ZNF189: variants seen among roughly 807,000 people sequenced by gnomAD.
ZNF189 encodes zinc finger protein 189.
Under a neutral mutation model 53.5 loss-of-function variants are expected in ZNF189, and 33 were observed. The ratio of observed to expected loss-of-function variants is 0.62; its 90% CI spans 0.47 to 0.82. The LOEUF (loss-of-function observed/expected upper bound fraction) is 0.82, where lower values mean the gene tolerates loss of function less well. ZNF189 is among the 40% of genes least tolerant of loss of function. The pLI, the probability that ZNF189 is intolerant of heterozygous loss-of-function variation, is 0.00. For missense variants in ZNF189, 711 were observed against 753.9 expected (o/e 0.94, Z 0.67); for synonymous variants, 247 against 238.8 (o/e 1.03, Z -0.32).
chr9:101,403,164 A>G (rs1830593935), intron 2 of ZNF189, among the ~76,000 whole-genome samples: 1 of 151,506 alleles, frequency 6.6e-6, no homozygotes, highest in Non-Finnish European at 1.5e-5. Context: ...CTGCCAGCTT[A>G]TCCATACATA....
In ZNF189 at chr9:101,400,001, G is replaced by T. The variant is rs765850362; in HGVS notation, c.151G>T (p.Val51Phe). 1 of 1,613,990 alleles carries T rather than the reference G, an allele frequency of 6.2e-7. No individual in the cohort carries two copies. The highest frequency in any genetic ancestry group is 8.5e-7 in the Non-Finnish European group (1 of 1,179,962). Reference protein sequence around the residue: ...DVMMENYGNLVSLDVLNRDKD... With the variant: ...DVMMENYGNLFSLDVLNRDKD... ...CATGATGGAGAATTATGGAAACCTG[G>T]TCTCACTGGGTAAGAATCTGCTGTT... Residue 51 changes from valine (V) to phenylalanine (F), a missense_variant, in exon 2 of 3, where the codon GTC (valine) becomes TTC (phenylalanine). Val to Phe is a conservative substitution (Grantham distance 50). Coordinates refer to ENST00000339664, the MANE Select transcript of ZNF189 (RefSeq NM_003452.4).
At position 101,409,446 on chromosome 9, in the gene ZNF189, A is replaced by G; in HGVS notation, c.1678A>G (p.Arg560Gly). The G allele has an allele frequency of 6.2e-7, 1 of 1,614,196 alleles. No homozygotes were observed. Among genetic ancestry groups the G allele is most frequent in the Non-Finnish European group, 8.5e-7 (1 of 1,180,024 alleles). The change falls in exon 3 of 3, where the codon AGA (arginine) becomes GGA (glycine). Residue 560 changes from arginine (R) to glycine (G), a missense_variant. Coordinates refer to ENST00000339664, the MANE Select transcript of ZNF189 (RefSeq NM_003452.4). ...GAACTCGGGTCTTATTCAGCATCAG[A>G]GAATACACACAGGAGAGAAACCTTA... is the stretch of plus-strand genomic sequence containing the variant. Reference protein sequence around the residue: ...SRNSGLIQHQRIHTGEKPYKC... With the variant: ...SRNSGLIQHQGIHTGEKPYKC...
chr9:101,409,561 C>T lies in ZNF189; in HGVS notation c.1793C>T (p.Thr598Ile). The T allele has an allele frequency of 6.2e-7, 1 of 1,614,056 alleles. No homozygotes were observed. The highest frequency in any genetic ancestry group is 8.5e-7 in the Non-Finnish European group (1 of 1,180,002). ...CATGCAGAGGTGAAAACCCAAGAAA[C>T]CCATGAATGTGACGCTTGTGGTGAA... ...KIHAEVKTQE[T>I]HECDACGEAF... is the part of the protein sequence containing the mutation. The change falls in exon 3 of 3, where the codon ACC becomes ATC. Residue 598 changes from threonine (T) to isoleucine (I), a missense_variant. Physicochemically the swap from Thr to Ile is moderately conservative, Grantham distance 89. Coordinates refer to ENST00000339664, the MANE Select transcript of ZNF189 (RefSeq NM_003452.4).
In ZNF189 at chr9:101,398,876, G is replaced by A. The variant is rs1029019072; in HGVS notation, c.-281G>A. 6 of 593,776 alleles carry A rather than the reference G, an allele frequency of 1.0e-5. No homozygotes were observed. The highest frequency in any genetic ancestry group is 2.0e-5 in the South Asian group (1 of 50,546). The allele number at this position is 593,776 out of a possible 1,614,324, so 36.8% of individuals were successfully genotyped here. ...GGTCATAGCGTTACTTGGCTGCAAG[G>A]AGGAGGAACTGGCAGCGGGGAGGAG... On this transcript the variant is annotated 5_prime_UTR_variant, in exon 1 of 3. Transcript: ENST00000339664.
intron 2 of ZNF189, among the ~76,000 whole-genome samples, chr9:101,400,552 CT>C (rs1478491687): frequency 6.6e-6 from 1 of 152,216 alleles, no homozygotes; most frequent in Non-Finnish European, 1.5e-5. Context: ...TCTTTGAGGT[CT>C]CAGCAGTCTT....
At chr9:101,400,779 T>C (rs1303423141) in intron 2 of ZNF189, among the ~76,000 whole-genome samples, 2 of 152,212 alleles carry the variant, frequency 1.3e-5, no homozygotes, top group Non-Finnish European at 2.9e-5. Context: ...AGGCAAATCG[T>C]AAATCCCAAT....
chr9:101,400,123 A>T, intron 2 of ZNF189, 113 bp downstream of exon 2: 2 of 1,381,016 alleles, frequency 1.4e-6, no homozygotes, highest in Non-Finnish European at 2.0e-6. Flanking sequence ...CAAAGTTCTG[A>T]TTCAAACCTT....
At chr9:101,402,563 A>G (rs1408428831) in intron 2 of ZNF189, among the ~76,000 whole-genome samples, 1 of 152,204 alleles carries the variant, frequency 6.6e-6, no homozygotes, top group African/African-American at 2.4e-5. Flanking sequence ...AATCCATTAA[A>G]ATCAAGGGCC....
Position 101,408,885 on chromosome 9 carries a change from C to T in ZNF189, c.1117C>T (p.Gln373Ter). 1 of 1,614,102 alleles carries T rather than the reference C, an allele frequency of 6.2e-7. No homozygotes were observed. Among genetic ancestry groups the T allele is most frequent in the Non-Finnish European group, 8.5e-7 (1 of 1,180,020 alleles). The change falls in exon 3 of 3, where the codon CAG becomes TAG. Residue 373 changes from glutamine to a stop codon, truncating the protein, a stop_gained. Transcript: ENST00000339664. LOFTEE classifies it high-confidence loss of function. ...GATCCATACTGGTGAAAGACCTTATCAGTGCAAAGAGTGTGGGAAAAGTTT... is the reference window on the plus strand; with the variant it reads ...GATCCATACTGGTGAAAGACCTTATTAGTGCAAAGAGTGTGGGAAAAGTTT... ...QRIHTGERPY[Q>*]CKECGKSFSQ...
At chr9:101,400,251 T>C (rs1049562112) in intron 2 of ZNF189, among the ~76,000 whole-genome samples, 1 of 152,186 alleles carries the variant, frequency 6.6e-6, no homozygotes, top group African/African-American at 2.4e-5. Context: ...GTACTTTCCG[T>C]CCTGGCTCAT....
intron 2 of ZNF189, chr9:101,407,378 T>TTTTTTA (rs1355434499): frequency 2.3e-5 from 9 of 398,130 alleles, no homozygotes; most frequent in African/African-American, 1.6e-4. Context: ...CTTAGCATCT[T>TTTTTTA]TTTTTATTTT....
chr9:101,408,555 A>G lies in ZNF189; in HGVS notation c.787A>G (p.Ser263Gly), dbSNP rs769935094. 6 of 1,614,182 alleles carry G rather than the reference A, an allele frequency of 3.7e-6. No individual in the cohort carries two copies. Among genetic ancestry groups the G allele is most frequent in the Non-Finnish European group, 8.5e-7 (1 of 1,180,024 alleles). Residue 263 changes from serine to glycine, a missense_variant, in exon 3 of 3, where the codon AGT becomes GGT. By Grantham distance (56) the Ser-to-Gly change is moderately conservative (BLOSUM62 0). Transcript: ENST00000339664. The stretch of plus-strand genomic sequence containing the variant: ...TACAGGTGAGAAACCCCATAAATGT[A>G]GTGACTGTGGGAAAGCCTTCAGTTG... ...IHTGEKPHKC[S>G]DCGKAFSWKS...
rs1388740697 is a variant in ZNF189 at position 101,407,923 on chromosome 9, T to C, written c.161-6T>C. ...TGATCTTTGTATTTCCTTTTTATTA[T>C]TCCAGATGTTTTGAACAGAGATAAG... On this transcript the variant is annotated splice_polypyrimidine_tract_variant and splice_region_variant and intron_variant, in intron 2 of 2. Coordinates refer to ENST00000339664, the MANE Select transcript of ZNF189 (RefSeq NM_003452.4). 1.3e-6 allele frequency: 2 copies of C among 1,525,476 alleles called. No individual in the cohort carries two copies. Among genetic ancestry groups the C allele is most frequent in the African/African-American group, 2.8e-5 (2 of 71,396 alleles). 94.5% of individuals were successfully genotyped at this position (1,525,476 alleles called of 1,614,324 possible).
chr9:101,404,571 A>G (rs2777342), intron 2 of ZNF189, among the ~76,000 whole-genome samples: 82,616 of 151,950 alleles, frequency 0.54, 22,597 homozygotes, highest in South Asian at 0.68. Context: ...ATTGTGAAGC[A>G]TTTATATCAT....
At chr9:101,403,816 A>G (rs1929490) in intron 2 of ZNF189, among the ~76,000 whole-genome samples, 13,094 of 152,222 alleles carry the variant, frequency 0.086, 853 homozygotes, top group Non-Finnish European at 0.13. Context: ...CCCGCCTCCA[A>G]ATATCATCAC....
Position 101,406,984 on chromosome 9 carries a change from A to G in ZNF189, c.161-945A>G, listed in dbSNP as rs13288554. On this transcript the variant is annotated intron_variant, in intron 2 of 2. Transcript: ENST00000339664. ...TAGAATCACATGTACTTGAGGTATG[A>G]TTTGTGGTAGGTAAAGTCATAAGCT... 6.3e-3 allele frequency among the ~76,000 whole-genome samples: 953 copies of G among 152,320 alleles called. 10 individuals are homozygous for G. Among genetic ancestry groups the G allele is most frequent in the Non-Finnish European group, 8.8e-3 (602 of 68,030 alleles).
Position 101,410,366 on chromosome 9 carries a change from C to T in ZNF189, c.*717C>T, listed in dbSNP as rs1564073803. 3 of 152,498 alleles carry T rather than the reference C, an allele frequency of 2.0e-5. No homozygotes were observed. Among genetic ancestry groups the T allele is most frequent in the Non-Finnish European group, 4.4e-5 (3 of 68,026 alleles). The allele number at this position is 152,498 out of a possible 1,614,324, so 9.4% of individuals were successfully genotyped here. A position where few individuals can be genotyped will look rare whatever the true frequency, so the allele number is the denominator to read the frequency against. ...GGAGGAAGATATTGTTCTTTTGTGCCCTCCTACCTGTGAGAGATATTTGTA... is the reference window on the plus strand; with the variant it reads ...GGAGGAAGATATTGTTCTTTTGTGCTCTCCTACCTGTGAGAGATATTTGTA... On this transcript the variant is annotated 3_prime_UTR_variant, in exon 3 of 3. Coordinates refer to ENST00000339664, the MANE Select transcript of ZNF189 (RefSeq NM_003452.4).
In ZNF189 at chr9:101,409,225, G is replaced by A. The variant is rs1472835380; in HGVS notation, c.1457G>A (p.Cys486Tyr). Residue 486 changes from cysteine (C) to tyrosine (Y), a missense_variant, in exon 3 of 3, where the codon TGT (cysteine) becomes TAT (tyrosine). Transcript: ENST00000339664. ...RIHTGEKPYL[C>Y]TVCGKSFSRS... ...CACACTGGTGAAAAGCCCTATCTAT[G>A]TACTGTCTGTGGGAAAAGCTTCAGC... 1 of 1,613,362 alleles carries A rather than the reference G, an allele frequency of 6.2e-7. No individual in the cohort carries two copies. Among genetic ancestry groups the A allele is most frequent in the African/African-American group, 1.3e-5 (1 of 74,906 alleles).
At chr9:101,401,921 A>T (rs72603702) in intron 2 of ZNF189, among the ~76,000 whole-genome samples, 73,303 of 149,298 alleles carry the variant, frequency 0.49, 17,839 homozygotes, top group South Asian at 0.65. Flanking sequence ...AATAAGTCCC[A>T]TTTTTTTTTT....
Sources: gnomAD v4.1 joint callset for allele counts (sites outside exome capture counted in the v4.1 genomes callset) on GRCh38, gnomAD v4.1.1 for gene constraint, MANE v1.5 for transcripts, NCBI Gene and HGNC (gene_info 2026-07-23, HGNC 2026-07-21) for gene names.